UNC45B: variants seen among roughly 807,000 people sequenced by gnomAD.
UNC45B encodes the protein protein unc-45 homolog B.
In UNC45B, 78 loss-of-function variants were observed where a neutral mutation model predicts 98.7. That is an observed-to-expected ratio of 0.79 (90% CI 0.66 to 0.95). The LOEUF (loss-of-function observed/expected upper bound fraction) is 0.95, where lower values mean the gene tolerates loss of function less well. Among genes scored for constraint, UNC45B ranks in the 40% least tolerant of loss-of-function variants. The probability of loss-of-function intolerance (pLI) is 0.00; values close to 1 mark genes in which losing one functional copy is unlikely to be tolerated. For missense variants in UNC45B, 1,225 were observed against 1,184.9 expected, an observed-to-expected ratio of 1.03 and a Z score of -0.50; for synonymous variants, 462 against 480.4, an observed-to-expected ratio of 0.96 and a Z score of 0.50.
intron 12 of UNC45B, among the ~76,000 whole-genome samples, chr17:35,170,857 G>A (rs1016730451): frequency 2.0e-5 from 3 of 151,946 alleles, no homozygotes; most frequent in African/African-American, 4.8e-5. Flanking sequence ...ATAAATAAAA[G>A]AGGCTGTGCC....
chr17:35,166,079 T>C (rs2142558541), intron 9 of UNC45B, among the ~76,000 whole-genome samples: 1 of 56,432 alleles, frequency 1.8e-5, no homozygotes, highest in African/African-American at 7.6e-5. Flanking sequence ...AGAGAGACCC[T>C]CATCTCTAAA....
intron 14 of UNC45B, among the ~76,000 whole-genome samples, 177 bp downstream of exon 14, chr17:35,174,546 G>T (rs772956385): frequency 6.6e-6 from 1 of 152,166 alleles, no homozygotes; most frequent in Non-Finnish European, 1.5e-5. Context: ...GGGACCAGGG[G>T]TGGTGGCTCA....
At chr17:35,174,062 CA>C (rs2092209092) in intron 13 of UNC45B, among the ~76,000 whole-genome samples, 179 bp from the exon 14 acceptor site, 2 of 152,134 alleles carry the variant, frequency 1.3e-5, no homozygotes, top group South Asian at 4.2e-4. Context: ...CCGCCCGCCT[CA>C]GCCTCCCAAA....
At position 35,152,995 on chromosome 17, in the gene UNC45B, C is replaced by T; in HGVS notation, c.471+13C>T. ...TAAGCGGGAAAAGGTGAGTGCTGGC[C>T]AGTGCCATCCAGCCAGCAGAAGGAC... On this transcript the variant is annotated intron_variant, in intron 5 of 19. Coordinates refer to ENST00000394570, the MANE Select transcript of UNC45B (RefSeq NM_001267052.2). The T allele has an allele frequency of 6.4e-7, 1 of 1,563,254 alleles. No individual in the cohort carries two copies. The highest frequency in any genetic ancestry group is 8.7e-7 in the Non-Finnish European group (1 of 1,142,858).
At chr17:35,158,130 C>G (rs1220587388) in intron 7 of UNC45B, among the ~76,000 whole-genome samples, 1 of 152,240 alleles carries the variant, frequency 6.6e-6, no homozygotes, top group Non-Finnish European at 1.5e-5. Flanking sequence ...CCTGCTGTGG[C>G]CTCCCAAAAT....
At chr17:35,178,188 C>A (rs182956720) in intron 17 of UNC45B, among the ~76,000 whole-genome samples, 9 of 152,314 alleles carry the variant, frequency 5.9e-5, no homozygotes, top group African/African-American at 2.2e-4. Flanking sequence ...GTGTGAGCCA[C>A]CGCACCCAGC....
intron 17 of UNC45B, 84 bp from the exon 18 acceptor site, chr17:35,180,475 A>G: frequency 9.6e-7 from 1 of 1,043,728 alleles, no homozygotes; most frequent in Non-Finnish European, 1.4e-6. Context: ...CCAGAATGGA[A>G]GAATGGTCCC....
Position 35,168,351 on chromosome 17 carries a change from G to A in UNC45B, c.1442G>A (p.Arg481His), listed in dbSNP as rs201142835. The A allele has an allele frequency of 2.7e-5, 37 of 1,357,872 alleles. No individual in the cohort carries two copies. In the Admixed American group the frequency reaches 4.6e-4, roughly 17 times the overall value. The allele number at this position is 1,357,872 out of a possible 1,614,324, so 84.1% of individuals were successfully genotyped here. ...KTTKNEKIKI[R>H]TLVGLCKLGS... is the part of the protein sequence containing the mutation. ...ACCAAAAATGAGAAGATCAAGATCC[G>A]CACACTGGTGGTGAGTGGGCTCGGT... The change falls in exon 10 of 20, where the codon CGC becomes CAC. Residue 481 changes from arginine to histidine, a missense_variant. Physicochemically the swap from Arg to His is conservative, Grantham distance 29 (BLOSUM62 0). Coordinates refer to ENST00000394570, the MANE Select transcript of UNC45B (RefSeq NM_001267052.2).
In UNC45B at chr17:35,148,445, C is replaced by T. The variant is rs1368568718; in HGVS notation, c.168+14C>T. On this transcript the variant is annotated intron_variant, in intron 2 of 19. Coordinates refer to ENST00000394570, the MANE Select transcript of UNC45B (RefSeq NM_001267052.2). Reference sequence around the variant, plus strand: ...GGCCTGAAAACGGTCTGGGGCAGGGCAGGGCACAGGGTGGGAGTGAGGCAG... The same window carrying T: ...GGCCTGAAAACGGTCTGGGGCAGGGTAGGGCACAGGGTGGGAGTGAGGCAG... 6.2e-7 allele frequency: 1 copy of T among 1,612,278 alleles called. No individual in the cohort carries two copies. Among genetic ancestry groups the T allele is most frequent in the African/African-American group, 1.3e-5 (1 of 75,002 alleles).
intron 4 of UNC45B, among the ~76,000 whole-genome samples, chr17:35,152,048 C>G (rs2092023505): frequency 6.6e-6 from 1 of 152,170 alleles, no homozygotes; most frequent in Non-Finnish European, 1.5e-5. Context: ...GAGTTCGAAA[C>G]CAGCCTGGCC....
At chr17:35,154,796 G>A (rs1437616265) in intron 6 of UNC45B, 55 bp downstream of exon 6, 11 of 1,500,074 alleles carry the variant, frequency 7.3e-6, no homozygotes, top group East Asian at 2.4e-5. Context: ...CCAAGGATCC[G>A]GAGGGTGACG....
chr17:35,171,284 C>G (rs1228881467), intron 12 of UNC45B, 38 bp from the exon 13 acceptor site: 20 of 1,603,856 alleles, frequency 1.2e-5, no homozygotes, highest in South Asian at 4.4e-5. Context: ...CTAAAGTTTC[C>G]TTTCTGCTTT....
At chr17:35,184,251 T>C (rs1376065515) in intron 19 of UNC45B, among the ~76,000 whole-genome samples, 5 of 152,218 alleles carry the variant, frequency 3.3e-5, no homozygotes, top group African/African-American at 1.2e-4. Context: ...GGGGGTTACG[T>C]TGTCCTGGCA....
At position 35,169,827 on chromosome 17, in the gene UNC45B, T is replaced by C. The variant is rs769687715; in HGVS notation, c.1453-10T>C. ...TCCTGCATGTGTCTGCTGTCTCCTCTCCTCCTCAGGGACTCTGTAAGCTCG... is the reference window on the plus strand; with the variant it reads ...TCCTGCATGTGTCTGCTGTCTCCTCCCCTCCTCAGGGACTCTGTAAGCTCG... On this transcript the variant is annotated splice_polypyrimidine_tract_variant and intron_variant, in intron 10 of 19. Transcript: ENST00000394570. 6.8e-6 allele frequency: 11 copies of C among 1,613,532 alleles called. No individual in the cohort carries two copies. The South Asian group carries it at 1.2e-4, about 18-fold the overall frequency.
At chr17:35,172,305 A>T (rs1433695810) in intron 13 of UNC45B, among the ~76,000 whole-genome samples, 1 of 152,096 alleles carries the variant, frequency 6.6e-6, no homozygotes, top group Non-Finnish European at 1.5e-5. Context: ...GCTGGAGTGC[A>T]GTGGTGAGAT....
At chr17:35,177,966 C>G (rs1297711184) in intron 17 of UNC45B, among the ~76,000 whole-genome samples, 1 of 151,874 alleles carries the variant, frequency 6.6e-6, no homozygotes, top group Non-Finnish European at 1.5e-5. Context: ...GTGGCACTAT[C>G]TCAGCTCACT....
intron 13 of UNC45B, among the ~76,000 whole-genome samples, chr17:35,172,571 C>T (rs1161614320): frequency 1.3e-5 from 2 of 152,168 alleles, no homozygotes; most frequent in Non-Finnish European, 2.9e-5. Flanking sequence ...TTGAAAGCTG[C>T]ATGATGTTTC....
chr17:35,178,146 C>A (rs577521659), intron 17 of UNC45B, among the ~76,000 whole-genome samples: 1 of 152,128 alleles, frequency 6.6e-6, no homozygotes, highest in Admixed American at 6.6e-5. Context: ...GTGATCTGCC[C>A]GCCTTGGTCT....
intron 19 of UNC45B, 28 bp from the exon 20 acceptor site, chr17:35,186,271 C>T (rs779636888): frequency 6.2e-7 from 1 of 1,610,754 alleles, no homozygotes; most frequent in South Asian, 1.1e-5. Flanking sequence ...AAACCTAGCA[C>T]CTTCCTTACC....
Sources: gnomAD v4.1 joint callset for allele counts (sites outside exome capture counted in the v4.1 genomes callset) on GRCh38, gnomAD v4.1.1 for gene constraint, MANE v1.5 for transcripts, NCBI Gene and HGNC (gene_info 2026-07-23, HGNC 2026-07-21) for gene names.